Variants in PIP5K1B observed in about 807,000 individuals in gnomAD.
The protein encoded by PIP5K1B is phosphatidylinositol 4-phosphate 5-kinase type-1 beta.
Under a neutral mutation model 67.0 loss-of-function variants are expected in PIP5K1B, and 42 were observed. The ratio of observed to expected loss-of-function variants is 0.63; its 90% CI spans 0.49 to 0.81. PIP5K1B has a LOEUF of 0.81. Ranked by LOEUF, PIP5K1B falls within the 30% of genes least tolerant of loss-of-function variation. The pLI, the probability that PIP5K1B is intolerant of heterozygous loss-of-function variation, is 0.00. For synonymous variants in PIP5K1B, 214 were observed against 231.4 expected, an observed-to-expected ratio of 0.92 and a Z score of 0.68; for missense variants, 459 against 646.3, an observed-to-expected ratio of 0.71 and a Z score of 3.14.
intron 14 of PIP5K1B, among the ~76,000 whole-genome samples, chr9:68,977,937 G>A (rs986387704): frequency 9.9e-5 from 15 of 152,032 alleles, no homozygotes; most frequent in Non-Finnish European, 2.1e-4. Context: ...GTGAGCCACC[G>A]CGCCTGGCCT....
chr9:68,960,894 G>A (rs1021952316), intron 14 of PIP5K1B, among the ~76,000 whole-genome samples: 1 of 152,070 alleles, frequency 6.6e-6, no homozygotes, highest in South Asian at 2.1e-4. Flanking sequence ...TCTCATAATC[G>A]TTGGTTGTCT....
intron 8 of PIP5K1B, among the ~76,000 whole-genome samples, chr9:68,896,644 G>C (rs1825099279): frequency 6.6e-6 from 1 of 152,154 alleles, no homozygotes; most frequent in Admixed American, 6.5e-5. Context: ...CTTCAGAAAG[G>C]CTTCTCTTGG....
intron 14 of PIP5K1B, among the ~76,000 whole-genome samples, chr9:68,949,792 T>G (rs1827970091): frequency 1.3e-5 from 2 of 152,146 alleles, no homozygotes; most frequent in South Asian, 4.1e-4. Context: ...TGGAAGAAGA[T>G]TTATGGACGG....
intron 12 of PIP5K1B, among the ~76,000 whole-genome samples, chr9:68,927,561 A>G (rs1218134658): frequency 6.6e-6 from 1 of 152,166 alleles, no homozygotes; most frequent in Non-Finnish European, 1.5e-5. Flanking sequence ...TTAGCAATTT[A>G]TATCTTCTTT....
chr9:68,869,765 C>T (rs1256094492), intron 5 of PIP5K1B, among the ~76,000 whole-genome samples: 2 of 152,074 alleles, frequency 1.3e-5, no homozygotes, highest in African/African-American at 4.8e-5. Context: ...ATCACATGAG[C>T]TCAAGAGTTT....
chr9:68,915,838 C>T (rs1175738700), intron 8 of PIP5K1B, among the ~76,000 whole-genome samples: 1 of 152,214 alleles, frequency 6.6e-6, no homozygotes, highest in East Asian at 1.9e-4. Context: ...TTGCAGCCCA[C>T]TCTCAGTTCT....
At chr9:68,900,389 T>C (rs1276804048) in intron 8 of PIP5K1B, among the ~76,000 whole-genome samples, 4 of 152,238 alleles carry the variant, frequency 2.6e-5, no homozygotes, top group Non-Finnish European at 4.4e-5. Context: ...GAAAACTCTT[T>C]TGAATTGAAA....
chr9:68,819,768 C>T (rs762311932), intron 3 of PIP5K1B, among the ~76,000 whole-genome samples: 40 of 152,094 alleles, frequency 2.6e-4, no homozygotes, highest in East Asian at 3.8e-4. Flanking sequence ...ATGGCCTCTC[C>T]GACTCCAATG....
At chr9:68,912,528 G>A (rs1825905009) in intron 8 of PIP5K1B, among the ~76,000 whole-genome samples, 1 of 152,212 alleles carries the variant, frequency 6.6e-6, no homozygotes, top group South Asian at 2.1e-4. Context: ...CATTAATTGA[G>A]TGCTTTTTGT....
At chr9:68,710,533 C>T (rs971582009) in intron 1 of PIP5K1B, among the ~76,000 whole-genome samples, 4 of 152,090 alleles carry the variant, frequency 2.6e-5, no homozygotes, top group Admixed American at 2.0e-4. Flanking sequence ...TGCTTTTGTA[C>T]ATTCTATTCT....
At chr9:68,814,536 G>A (rs1320545171) in intron 2 of PIP5K1B, among the ~76,000 whole-genome samples, 1 of 152,030 alleles carries the variant, frequency 6.6e-6, no homozygotes, top group Non-Finnish European at 1.5e-5. Context: ...TCATAATTTG[G>A]CCGGGCACGG....
rs1446743258 is a variant in PIP5K1B at position 68,863,799 on chromosome 9, T to C, written c.70-38T>C. The C allele has an allele frequency of 3.1e-6, 5 of 1,601,528 alleles. No individual in the cohort carries two copies. In the Admixed American group the frequency reaches 8.4e-5, roughly 27 times the overall value. On this transcript the variant is annotated intron_variant, in intron 4 of 15. Coordinates refer to ENST00000265382, the MANE Select transcript of PIP5K1B (RefSeq NM_003558.4). Reference sequence around the variant, plus strand: ...CTGTACCATTGAACAAGGCCCTGACTGTTAAGACTAATGTTGAGACCCTTG... The same window carrying C: ...CTGTACCATTGAACAAGGCCCTGACCGTTAAGACTAATGTTGAGACCCTTG...
chr9:68,917,477 C>G (rs1391555966), intron 8 of PIP5K1B, 71 bp from the exon 9 acceptor site: 3 of 1,074,204 alleles, frequency 2.8e-6, no homozygotes, highest in Non-Finnish European at 4.3e-6. Flanking sequence ...ATCTAGAGCT[C>G]TCTGATAATG....
intron 1 of PIP5K1B, among the ~76,000 whole-genome samples, chr9:68,738,926 A>G (rs929849958): frequency 2.0e-5 from 3 of 152,080 alleles, no homozygotes; most frequent in Non-Finnish European, 4.4e-5. Flanking sequence ...GCTCAGGCCC[A>G]TGCCTCAACA....
intron 2 of PIP5K1B, among the ~76,000 whole-genome samples, chr9:68,757,074 G>A (rs1388668316): frequency 6.6e-6 from 1 of 152,080 alleles, no homozygotes; most frequent in African/African-American, 2.4e-5. Flanking sequence ...AATTGAAAAA[G>A]TAGACTGACA....
chr9:68,863,367 C>CT (rs1199725319), intron 4 of PIP5K1B, among the ~76,000 whole-genome samples: 1 of 152,082 alleles, frequency 6.6e-6, no homozygotes, highest in Non-Finnish European at 1.5e-5. Flanking sequence ...GTTATTTCTC[C>CT]TATTATGTTG....
chr9:68,788,378 C>T, intron 2 of PIP5K1B: 1 of 891,470 alleles, frequency 1.1e-6, no homozygotes, highest in Non-Finnish European at 1.7e-6. Context: ...TACTTTTCTC[C>T]ATACATATCC....
intron 2 of PIP5K1B, among the ~76,000 whole-genome samples, chr9:68,787,471 A>G (rs528075694): frequency 6.6e-6 from 1 of 152,274 alleles, no homozygotes; most frequent in South Asian, 2.1e-4. Flanking sequence ...ATCCCTCCTT[A>G]ATACAGAATT....
chr9:68,919,660 A>G (rs1472747040), intron 10 of PIP5K1B, 21 bp from the exon 11 acceptor site: 1 of 1,492,116 alleles, frequency 6.7e-7, no homozygotes, highest in African/African-American at 1.4e-5. Context: ...TTCTCATTTC[A>G]ATTTTTCCAT....
Sources: gnomAD v4.1 joint callset for allele counts (sites outside exome capture counted in the v4.1 genomes callset) on GRCh38, gnomAD v4.1.1 for gene constraint, MANE v1.5 for transcripts, NCBI Gene and HGNC (gene_info 2026-07-23, HGNC 2026-07-21) for gene names.